The following DNMT3A variants were observed in gnomAD, a reference collection of about 807,000 sequenced individuals.
DNMT3A encodes the protein DNA methyltransferase 3 alpha, also known as DNA (cytosine-5)-methyltransferase 3A.
DNMT3A carries 267 observed loss-of-function variants against 117.6 expected under a neutral mutation model. That is an observed-to-expected ratio of 2.27 (90% CI 2.05 to 2.51). The LOEUF (loss-of-function observed/expected upper bound fraction) is 2.51. DNMT3A is among the 30% of genes most tolerant of loss of function. DNMT3A has a pLI of 0.00. For missense variants in DNMT3A, 1,029 were observed against 1,260.2 expected (o/e 0.82, Z 2.78); for synonymous variants, 432 against 474.8 (o/e 0.91, Z 1.17).
intron 16 of DNMT3A, among the ~76,000 whole-genome samples, chr2:25,242,898 T>C (rs1308820751): frequency 3.6e-5 from 5 of 140,086 alleles, no homozygotes; most frequent in Non-Finnish European, 7.8e-5. Context: ...AGGATGCTTG[T>C]CACAGCACTA....
chr2:25,284,007 C>G (rs1230333356), intron 3 of DNMT3A, among the ~76,000 whole-genome samples: 1 of 152,214 alleles, frequency 6.6e-6, no homozygotes, highest in Non-Finnish European at 1.5e-5. Flanking sequence ...ATATTCAGTC[C>G]TCAGCCATCC....
intron 1 of DNMT3A, among the ~76,000 whole-genome samples, chr2:25,320,488 AATT>A (rs1052282345): frequency 2.0e-5 from 3 of 152,220 alleles, no homozygotes; most frequent in African/African-American, 7.2e-5. Flanking sequence ...AGAGATGCAC[AATT>A]ATTATGTGTC....
intron 6 of DNMT3A, among the ~76,000 whole-genome samples, chr2:25,253,811 C>T (rs1034815949): frequency 2.0e-5 from 3 of 152,216 alleles, no homozygotes; most frequent in Non-Finnish European, 2.9e-5. Flanking sequence ...CGGTGGCTCA[C>T]GCCTATAATC....
intron 17 of DNMT3A, among the ~76,000 whole-genome samples, chr2:25,241,248 GCCA>G (rs1302797751): frequency 4.6e-5 from 7 of 152,214 alleles, no homozygotes; most frequent in Non-Finnish European, 1.0e-4. Flanking sequence ...CCAGGGAGTA[GCCA>G]GAGCTCAAGT....
chr2:25,244,373 A>T, intron 14 of DNMT3A, 35 bp from the exon 15 acceptor site: 1 of 1,579,554 alleles, frequency 6.3e-7, no homozygotes, highest in Non-Finnish European at 8.6e-7. Context: ...GGAGACTCTC[A>T]GCCCTGGTCC....
intron 6 of DNMT3A, among the ~76,000 whole-genome samples, chr2:25,255,366 AAT>A (rs1160382928): frequency 6.6e-6 from 1 of 152,240 alleles, no homozygotes; most frequent in Non-Finnish European, 1.5e-5. Flanking sequence ...GCCAAACTCA[AAT>A]AGCAGCACCA....
chr2:25,242,896 T>C (rs541440260), intron 16 of DNMT3A, among the ~76,000 whole-genome samples: 1 of 142,388 alleles, frequency 7.0e-6, no homozygotes, highest in African/African-American at 2.6e-5. Flanking sequence ...TCAGGATGCT[T>C]GTCACAGCAC....
intron 1 of DNMT3A, among the ~76,000 whole-genome samples, chr2:25,326,108 ATGTGTGTGTGTGTGTGTG>A (rs61521265): frequency 8.4e-5 from 12 of 142,368 alleles, no homozygotes; most frequent in South Asian, 4.6e-4. Flanking sequence ...CTTGATATAT[ATGTGTGTGTGTGTGTGTG>A]TGTGTGTGTG....
At chr2:25,325,444 C>G (rs572987381) in intron 1 of DNMT3A, among the ~76,000 whole-genome samples, 1 of 152,152 alleles carries the variant, frequency 6.6e-6, no homozygotes, top group Non-Finnish European at 1.5e-5. Context: ...CCACGGTCAT[C>G]TGCATGTTTC....
In DNMT3A at chr2:25,230,207, T is replaced by A. The variant is rs1175913949; in HGVS notation, c.*4072A>T. ...ACAGCAACAGATTCATGTCATCATC[T>A]ATGGACTGCAGACCCCTGCTAGTGC... On this transcript the variant is annotated 3_prime_UTR_variant, in exon 23 of 23. Coordinates refer to ENST00000321117, the MANE Select transcript of DNMT3A (RefSeq NM_022552.5). 1 of 152,324 alleles carries A rather than the reference T, an allele frequency of 6.6e-6. No individual in the cohort carries two copies. Among genetic ancestry groups the A allele is most frequent in the East Asian group, 1.9e-4 (1 of 5,198 alleles). 9.4% of individuals were successfully genotyped at this position (152,324 alleles called of 1,614,324 possible).
At position 25,337,210 on chromosome 2, in the gene DNMT3A, A is replaced by G. The variant is rs1051587900; in HGVS notation, c.-178+4616T>C. 1.3e-5 allele frequency among the ~76,000 whole-genome samples: 2 copies of G among 152,182 alleles called. No homozygotes were observed. The highest frequency in any genetic ancestry group is 4.8e-5 in the African/African-American group (2 of 41,432). Reference sequence around the variant, plus strand: ...GATTTGTTCAACTCAACAGATTGCTAAGTGTCGCTGAGAAGCCTCCCACCT... The same window carrying G: ...GATTTGTTCAACTCAACAGATTGCTGAGTGTCGCTGAGAAGCCTCCCACCT... On this transcript the variant is annotated intron_variant, in intron 1 of 22. Coordinates refer to ENST00000321117, the MANE Select transcript of DNMT3A (RefSeq NM_022552.5). This position sits in a 1 kb window ranked among gnomAD's most constrained non-coding sequence, Gnocchi z 5.0.
rs1558656994 is a variant in DNMT3A at position 25,239,135 on chromosome 2, C to T, written c.2403G>A (p.Met801Ile). The change falls in exon 20 of 23, where the codon ATG (methionine) becomes ATA (isoleucine). Residue 801 changes from methionine to isoleucine, a missense_variant. Physicochemically the swap from Met to Ile is conservative, Grantham distance 10. Coordinates refer to ENST00000321117, the MANE Select transcript of DNMT3A (RefSeq NM_022552.5). Reference sequence around the variant, plus strand: ...GCCCAGGAGCTTTCACCAACCTGTTCATACCGGGAAGGTTACCCCAGAAGT... The same window carrying T: ...GCCCAGGAGCTTTCACCAACCTGTTTATACCGGGAAGGTTACCCCAGAAGT... ...ARYFWGNLPG[M>I]NRPLASTVND... is the part of the protein sequence containing the mutation. 1.2e-6 allele frequency: 2 copies of T among 1,613,866 alleles called. No individual in the cohort carries two copies. The highest frequency in any genetic ancestry group is 8.5e-7 in the Non-Finnish European group (1 of 1,179,922).
intron 16 of DNMT3A, among the ~76,000 whole-genome samples, chr2:25,242,989 C>A (rs1246780059): frequency 6.6e-6 from 1 of 152,102 alleles, no homozygotes; most frequent in Non-Finnish European, 1.5e-5. Context: ...CTCAATGGAA[C>A]CTTACGCAAC....
In DNMT3A at chr2:25,244,680, C is replaced by T. The variant is rs199842466; in HGVS notation, c.1555-28G>A. ...AGACAGCAGCGGGAAGGGTCAGAAA[C>T]CACCAGGACGGGTCCCAGGACGGCC... On this transcript the variant is annotated intron_variant, in intron 13 of 22. Transcript: ENST00000321117. 48 of 1,603,066 alleles carry T rather than the reference C, an allele frequency of 3.0e-5. No homozygotes were observed. In the Middle Eastern group the frequency reaches 2.5e-3, roughly 83 times the overall value.
At chr2:25,325,806 GCGAAT>G (rs2034764962) in intron 1 of DNMT3A, among the ~76,000 whole-genome samples, 4 of 152,228 alleles carry the variant, frequency 2.6e-5, no homozygotes, top group Non-Finnish European at 5.9e-5. Context: ...CTGGAACCCA[GCGAAT>G]TCTCTCAGGC....
At position 25,254,212 on chromosome 2, in the gene DNMT3A, C is replaced by T. The variant is rs1301678121; in HGVS notation, c.640-5960G>A. ...TCAGCCCTCTTTGGCCATGGAACGCCACCATCTCCTAATGACAATGAGACA... is the reference window on the plus strand; with the variant it reads ...TCAGCCCTCTTTGGCCATGGAACGCTACCATCTCCTAATGACAATGAGACA... On this transcript the variant is annotated intron_variant, in intron 6 of 22. Transcript: ENST00000321117. The surrounding 1 kb of genome is among the most constrained non-coding windows in gnomAD (Gnocchi z 4.7). Among the ~76,000 whole-genome samples, 1 of 152,102 alleles carries T rather than the reference C, an allele frequency of 6.6e-6. No homozygotes were observed. Among genetic ancestry groups the T allele is most frequent in the Non-Finnish European group, 1.5e-5 (1 of 68,014 alleles).
chr2:25,264,293 C>T (rs896107941), intron 6 of DNMT3A, among the ~76,000 whole-genome samples: 4 of 151,810 alleles, frequency 2.6e-5, no homozygotes, highest in African/African-American at 7.3e-5. Context: ...GCATGTGCCA[C>T]CACGCCCAGC....
At chr2:25,275,419 C>CCCCCCCCCCCCA in intron 5 of DNMT3A, 81 bp downstream of exon 5, 2 of 1,387,152 alleles carry the variant, frequency 1.4e-6, no homozygotes, top group South Asian at 1.3e-5. Context: ...GGCCCACCCT[C>CCCCCCCCCCCCA]CGCCCCCTCA....
At chr2:25,290,030 C>T (rs539417145) in intron 3 of DNMT3A, among the ~76,000 whole-genome samples, 3 of 152,288 alleles carry the variant, frequency 2.0e-5, no homozygotes, top group South Asian at 2.1e-4. Flanking sequence ...TGCGGTGGCA[C>T]GATCACGGCT....
Sources: gnomAD v4.1 joint callset for allele counts (sites outside exome capture counted in the v4.1 genomes callset) on GRCh38, gnomAD v4.1.1 for gene constraint, Gnocchi (gnomAD v3.1) non-coding constraint, MANE v1.5 for transcripts, NCBI Gene and HGNC (gene_info 2026-07-23, HGNC 2026-07-21) for gene names.